CNTNAP2: variants seen among roughly 807,000 people sequenced by gnomAD.
The protein encoded by CNTNAP2 is contactin-associated protein-like 2.
Under a neutral mutation model 155.2 loss-of-function variants are expected in CNTNAP2, and 98 were observed. That is an observed-to-expected ratio of 0.63 (90% CI 0.54 to 0.75). CNTNAP2 has a LOEUF of 0.75. Among genes scored for constraint, CNTNAP2 ranks in the 30% least tolerant of loss-of-function variants. CNTNAP2 has a pLI of 0.00. For synonymous variants in CNTNAP2, 651 were observed against 631.2 expected (o/e 1.03, Z -0.47); for missense variants, 1,727 against 1,688.1 (o/e 1.02, Z -0.40).
Position 146,812,479 on chromosome 7 carries a change from T to C in CNTNAP2, c.209-27232T>C, listed in dbSNP as rs1417988561. On this transcript the variant is annotated intron_variant, in intron 2 of 23. Transcript: ENST00000361727. ...ATATATATATTTATACTTTAAGTTC[T>C]AGGGTACATGTGCACAACATGCCAG... 6.7e-5 allele frequency among the ~76,000 whole-genome samples: 10 copies of C among 149,132 alleles called. 1 individual carries two copies. Among genetic ancestry groups the C allele is most frequent in the African/African-American group, 1.5e-4 (6 of 40,250 alleles).
At chr7:146,703,889 C>T (rs1800918933) in intron 1 of CNTNAP2, among the ~76,000 whole-genome samples, 1 of 152,082 alleles carries the variant, frequency 6.6e-6, no homozygotes, top group Non-Finnish European at 1.5e-5. Flanking sequence ...CTTTCCATTT[C>T]TCTCTCCCTT....
At chr7:147,669,902 C>T (rs894999127) in intron 13 of CNTNAP2, among the ~76,000 whole-genome samples, 2 of 152,086 alleles carry the variant, frequency 1.3e-5, no homozygotes, top group East Asian at 1.9e-4. Context: ...CACTAACACC[C>T]GTCATCTGTT....
chr7:148,106,565 C>T (rs1231445685), intron 15 of CNTNAP2, among the ~76,000 whole-genome samples: 4 of 148,296 alleles, frequency 2.7e-5, no homozygotes, highest in Non-Finnish European at 5.9e-5. Flanking sequence ...CTCACTATGT[C>T]GCCCAGGCTG....
chr7:147,735,710 A>G (rs1796831085), intron 13 of CNTNAP2, among the ~76,000 whole-genome samples: 1 of 152,128 alleles, frequency 6.6e-6, no homozygotes. Flanking sequence ...GTGCTCCTGT[A>G]TTGGGTGCAT....
intron 1 of CNTNAP2, among the ~76,000 whole-genome samples, chr7:146,496,626 T>C (rs147382372): frequency 2.7e-4 from 41 of 152,334 alleles, no homozygotes; most frequent in Middle Eastern, 3.4e-3. Flanking sequence ...AGCTATTGCC[T>C]TCCTGATTTT....
chr7:146,812,230 G>A (rs1056157288), intron 2 of CNTNAP2, among the ~76,000 whole-genome samples: 5 of 151,816 alleles, frequency 3.3e-5, no homozygotes, highest in African/African-American at 1.2e-4. Context: ...AAATGCTGAC[G>A]GTTATATGGA....
chr7:147,370,118 A>T (rs1301560869), intron 9 of CNTNAP2, among the ~76,000 whole-genome samples: 1 of 150,262 alleles, frequency 6.7e-6, no homozygotes, highest in East Asian at 1.9e-4. Flanking sequence ...TCACTCACTT[A>T]TATGTGCATA....
At chr7:146,445,025 TC>T (rs1796382743) in intron 1 of CNTNAP2, among the ~76,000 whole-genome samples, 1 of 151,680 alleles carries the variant, frequency 6.6e-6, no homozygotes. Context: ...CCAGGGACAT[TC>T]TGCTCAAATC....
At chr7:146,753,183 C>T (rs1563216827) in intron 1 of CNTNAP2, among the ~76,000 whole-genome samples, 1 of 152,008 alleles carries the variant, frequency 6.6e-6, no homozygotes, top group Non-Finnish European at 1.5e-5. Context: ...TTAATAAATA[C>T]ATGAAAATTC....
intron 1 of CNTNAP2, among the ~76,000 whole-genome samples, chr7:146,409,434 G>A (rs777555645): frequency 6.6e-6 from 1 of 152,000 alleles, no homozygotes; most frequent in Non-Finnish European, 1.5e-5. Context: ...TTTATTAGTT[G>A]GAAATGTTTA....
intron 1 of CNTNAP2, among the ~76,000 whole-genome samples, chr7:146,615,384 C>A (rs1264983608): frequency 2.0e-5 from 3 of 152,132 alleles, no homozygotes; most frequent in Non-Finnish European, 2.9e-5. Context: ...ACTAGATTAA[C>A]CAATGTGCTT....
At chr7:148,415,359 G>GTGTT (rs1799957247) in intron 23 of CNTNAP2, 58 bp from the exon 24 acceptor site, 1 of 1,576,948 alleles carries the variant, frequency 6.3e-7, no homozygotes, top group African/African-American at 1.3e-5. Context: ...AGTGGGGACA[G>GTGTT]TGTTGGAGGG....
chr7:146,844,607 C>T (rs756596137), intron 3 of CNTNAP2, among the ~76,000 whole-genome samples: 8 of 151,994 alleles, frequency 5.3e-5, no homozygotes, highest in Admixed American at 1.3e-4. Flanking sequence ...TGCTAAGAGG[C>T]CTGTTTTGCT....
chr7:148,096,038 A>C (rs533694549), intron 15 of CNTNAP2, among the ~76,000 whole-genome samples: 2 of 152,236 alleles, frequency 1.3e-5, no homozygotes, highest in South Asian at 4.1e-4. Context: ...TTGCTTCTGC[A>C]TGGTTATTTT....
At chr7:146,976,481 T>G (rs954200577) in intron 3 of CNTNAP2, among the ~76,000 whole-genome samples, 1 of 152,166 alleles carries the variant, frequency 6.6e-6, no homozygotes, top group Non-Finnish European at 1.5e-5. Context: ...TTGGGTTTGA[T>G]TAATTTGCTA....
intron 3 of CNTNAP2, among the ~76,000 whole-genome samples, chr7:146,964,074 C>T (rs1263159432): frequency 1.3e-5 from 2 of 152,102 alleles, no homozygotes; most frequent in African/African-American, 4.8e-5. Context: ...TGAGAAAATC[C>T]ATGAGTTTCC....
At chr7:148,066,953 A>AT (rs1803277362) in intron 15 of CNTNAP2, among the ~76,000 whole-genome samples, 1 of 151,180 alleles carries the variant, frequency 6.6e-6, no homozygotes, top group Non-Finnish European at 1.5e-5. Flanking sequence ...AGAAGTTTTG[A>AT]TTGTCTTTTA....
In CNTNAP2 at chr7:148,085,415, A is replaced by G. The variant is rs190199871; in HGVS notation, c.2384-32703A>G. Among the ~76,000 whole-genome samples the G allele has an allele frequency of 3.3e-5, 5 of 152,274 alleles. No homozygotes were observed. The East Asian group carries it at 9.7e-4, about 29-fold the overall frequency. The stretch of plus-strand genomic sequence containing the variant: ...CTTTTCAAAATAGTTTTTTATTCTC[A>G]CAAGTTTAAAGGCCTTGTAAAATCT... On this transcript the variant is annotated intron_variant, in intron 15 of 23. Transcript: ENST00000361727.
intron 10 of CNTNAP2, among the ~76,000 whole-genome samples, chr7:147,430,731 C>A (rs558528726): frequency 1.3e-5 from 2 of 152,112 alleles, no homozygotes; most frequent in Admixed American, 1.3e-4. Context: ...TTATAGGGTG[C>A]AGAGAAACAT....
Sources: allele counts gnomAD v4.1 joint callset (sites outside exome capture counted in the v4.1 genomes callset), GRCh38; gene constraint gnomAD v4.1.1; transcripts MANE v1.5; gene names NCBI Gene and HGNC (gene_info 2026-07-23, HGNC 2026-07-21).